The following ABHD13 variants were observed in gnomAD, a reference collection of about 807,000 sequenced individuals.
ABHD13 encodes the protein protein ABHD13.
Under a neutral mutation model 25.2 loss-of-function variants are expected in ABHD13, and 7 were observed. That is an observed-to-expected ratio of 0.28 (90% CI 0.16 to 0.52). The LOEUF (loss-of-function observed/expected upper bound fraction) is 0.52. ABHD13 is among the 20% of genes least tolerant of loss of function. The pLI, the probability that ABHD13 is intolerant of heterozygous loss-of-function variation, is 0.96. For synonymous variants in ABHD13, 133 were observed against 136.1 expected (o/e 0.98, Z 0.16); for missense variants, 302 against 402.7 (o/e 0.75, Z 2.14).
chr13:108,226,235 A>G (rs1879668654), intron 1 of ABHD13, among the ~76,000 whole-genome samples: 1 of 152,194 alleles, frequency 6.6e-6, no homozygotes, highest in African/African-American at 2.4e-5. Context: ...AAATGACACA[A>G]GGGTGGGAGT....
chr13:108,227,563 A>G (rs1879701781), intron 1 of ABHD13, among the ~76,000 whole-genome samples: 1 of 152,060 alleles, frequency 6.6e-6, no homozygotes, highest in Non-Finnish European at 1.5e-5. Flanking sequence ...GTGTATTTGG[A>G]GCTATTTTAT....
chr13:108,223,515 T>C (rs1264170225), intron 1 of ABHD13, among the ~76,000 whole-genome samples: 1 of 152,234 alleles, frequency 6.6e-6, no homozygotes, highest in African/African-American at 2.4e-5. Context: ...CTGCTTCTTC[T>C]TTGACATTCT....
Position 108,229,981 on chromosome 13 carries a change from C to T in ABHD13, c.763C>T (p.Gln255Ter), listed in dbSNP as rs1326042095. 6.2e-7 allele frequency: 1 copy of T among 1,613,082 alleles called. No individual in the cohort carries two copies. Among genetic ancestry groups the T allele is most frequent in the African/African-American group, 1.3e-5 (1 of 74,844 alleles). The change falls in exon 2 of 2, where the codon CAG becomes TAG. Residue 255 changes from glutamine (Q) to a stop codon, truncating the protein, a stop_gained. Coordinates refer to ENST00000375898, the MANE Select transcript of ABHD13 (RefSeq NM_032859.3). LOFTEE classifies it high-confidence loss of function. This position sits in a 1 kb window ranked among gnomAD's most constrained non-coding sequence, Gnocchi z 4.7. The part of the protein sequence containing the change: ...NKFLSYRKIS[Q>*]CRMPSLFISG... ...ATTTTTGTCCTACAGAAAAATCTCT[C>T]AGTGTAGAATGCCTTCACTTTTCAT... is the stretch of plus-strand genomic sequence containing the variant.
intron 1 of ABHD13, among the ~76,000 whole-genome samples, chr13:108,225,681 T>G (rs1594490007): frequency 6.6e-6 from 1 of 152,312 alleles, no homozygotes; most frequent in East Asian, 1.9e-4. Context: ...GTCTGACATG[T>G]AATACCAGAT....
intron 1 of ABHD13, among the ~76,000 whole-genome samples, chr13:108,228,036 G>C (rs1315860016): frequency 1.3e-5 from 2 of 151,924 alleles, no homozygotes; most frequent in East Asian, 3.9e-4. Context: ...ATAGCAGTTT[G>C]GTCAGTGGGA....
In ABHD13 at chr13:108,231,703, T is replaced by C. The variant is rs2139016292; in HGVS notation, c.*1471T>C. The C allele has an allele frequency of 1.2e-5, 2 of 166,856 alleles. No individual in the cohort carries two copies. Among genetic ancestry groups the C allele is most frequent in the South Asian group, 2.1e-4 (1 of 4,826 alleles). 10.3% of individuals were successfully genotyped at this position (166,856 alleles called of 1,614,324 possible). A position where few individuals can be genotyped will look rare whatever the true frequency, so the allele number is the denominator to read the frequency against. ...ATTTTAGCTATATTTAGTGGCTTTC[T>C]GCAAGCAACTAGAACAGAGAAGTAA... On this transcript the variant is annotated 3_prime_UTR_variant, in exon 2 of 2. Coordinates refer to ENST00000375898, the MANE Select transcript of ABHD13 (RefSeq NM_032859.3).
In ABHD13 at chr13:108,226,193, A is replaced by G. The variant is rs569060880; in HGVS notation, c.-20-3006A>G. ...AACCCAACATGTCAGTGTTAGGTAT[A>G]TTGTTCCAGATGATAGCTCAGGTCT... is the stretch of plus-strand genomic sequence containing the variant. On this transcript the variant is annotated intron_variant, in intron 1 of 1. Transcript: ENST00000375898. 4.6e-5 allele frequency among the ~76,000 whole-genome samples: 7 copies of G among 152,288 alleles called. No homozygotes were observed. The East Asian group carries it at 1.4e-3, about 29-fold the overall frequency.
chr13:108,229,491 C>G lies in ABHD13; in HGVS notation c.273C>G (p.Ile91Met). 6.2e-7 allele frequency: 1 copy of G among 1,613,524 alleles called. No homozygotes were observed. The highest frequency in any genetic ancestry group is 8.5e-7 in the Non-Finnish European group (1 of 1,179,614). Residue 91 changes from isoleucine (I) to methionine (M), a missense_variant, in exon 2 of 2, where the codon ATC becomes ATG. Physicochemically the swap from Ile to Met is conservative, Grantham distance 10. Coordinates refer to ENST00000375898, the MANE Select transcript of ABHD13 (RefSeq NM_032859.3). This position sits in a 1 kb window ranked among gnomAD's most constrained non-coding sequence, Gnocchi z 4.7. ...PTGIPHENIF[I>M]RTKDGIRLNL... is the part of the protein sequence containing the mutation. The stretch of plus-strand genomic sequence containing the variant: ...GCATTCCACATGAAAACATTTTCAT[C>G]AGAACCAAAGATGGAATACGTCTGA...
At chr13:108,227,550 T>C (rs1413736676) in intron 1 of ABHD13, among the ~76,000 whole-genome samples, 1 of 152,062 alleles carries the variant, frequency 6.6e-6, no homozygotes, top group East Asian at 1.9e-4. Context: ...ATATGCCTTA[T>C]TCGTGTATTT....
In ABHD13 at chr13:108,218,616, G is replaced by C. The variant is rs1158549771; in HGVS notation, c.-64G>C. The stretch of plus-strand genomic sequence containing the variant: ...GGGGTACGCTGCTGCGCGGCGCCCG[G>C]TTTCGTGCCCGCGGCCGACTGCGCA... On this transcript the variant is annotated 5_prime_UTR_variant, in exon 1 of 2. Transcript: ENST00000375898. 2 of 152,004 alleles carry C rather than the reference G, an allele frequency of 1.3e-5. No homozygotes were observed. Among genetic ancestry groups the C allele is most frequent in the Non-Finnish European group, 2.9e-5 (2 of 67,964 alleles). 9.4% of individuals were successfully genotyped at this position (152,004 alleles called of 1,614,324 possible). A position where few individuals can be genotyped will look rare whatever the true frequency, so the allele number is the denominator to read the frequency against.
chr13:108,226,000 C>T (rs1879664231), intron 1 of ABHD13, among the ~76,000 whole-genome samples: 1 of 152,150 alleles, frequency 6.6e-6, no homozygotes, highest in Non-Finnish European at 1.5e-5. Flanking sequence ...TACATCTCCT[C>T]TGAAGACACG....
In ABHD13 at chr13:108,229,855, A is replaced by G. The variant is rs1594492641; in HGVS notation, c.637A>G (p.Ile213Val). 1 of 1,613,462 alleles carries G rather than the reference A, an allele frequency of 6.2e-7. No homozygotes were observed. Among genetic ancestry groups the G allele is most frequent in the Non-Finnish European group, 8.5e-7 (1 of 1,179,494 alleles). ...TGAAAATTCACATAGGATTTCAGCC[A>G]TTATGGTGGAGAACACATTTTTAAG... is the stretch of plus-strand genomic sequence containing the variant. ...ASENSHRISA[I>V]MVENTFLSIP... Residue 213 changes from isoleucine to valine, a missense_variant, in exon 2 of 2, where the codon ATT (isoleucine) becomes GTT (valine). Coordinates refer to ENST00000375898, the MANE Select transcript of ABHD13 (RefSeq NM_032859.3). This position sits in a 1 kb window ranked among gnomAD's most constrained non-coding sequence, Gnocchi z 4.7.
intron 1 of ABHD13, among the ~76,000 whole-genome samples, chr13:108,221,596 A>G (rs1181495801): frequency 6.6e-6 from 1 of 152,070 alleles, no homozygotes; most frequent in African/African-American, 2.4e-5. Context: ...AACAGTTTTT[A>G]TTTTTAAACA....
At chr13:108,226,398 GC>G (rs1432799473) in intron 1 of ABHD13, among the ~76,000 whole-genome samples, 1 of 152,090 alleles carries the variant, frequency 6.6e-6, no homozygotes, top group Non-Finnish European at 1.5e-5. Flanking sequence ...TTCCCACTGG[GC>G]ATGTTTAGCC....
Position 108,229,484 on chromosome 13 carries a change from T to C in ABHD13, c.266T>C (p.Ile89Thr), listed in dbSNP as rs762353459. ...PMPTGIPHENIFIRTKDGIRL... is the reference protein window; with the variant it reads ...PMPTGIPHENTFIRTKDGIRL... ...CCCACTGGCATTCCACATGAAAACATTTTCATCAGAACCAAAGATGGAATA... is the reference window on the plus strand; with the variant it reads ...CCCACTGGCATTCCACATGAAAACACTTTCATCAGAACCAAAGATGGAATA... The change falls in exon 2 of 2, where the codon ATT (isoleucine) becomes ACT (threonine). Residue 89 changes from isoleucine to threonine, a missense_variant. Ile to Thr is a moderately conservative substitution (Grantham distance 89). Transcript: ENST00000375898. This position sits in a 1 kb window ranked among gnomAD's most constrained non-coding sequence, Gnocchi z 4.7. 2 of 1,613,560 alleles carry C rather than the reference T, an allele frequency of 1.2e-6. No individual in the cohort carries two copies. The highest frequency in any genetic ancestry group is 1.1e-5 in the South Asian group (1 of 91,062).
chr13:108,222,071 C>T (rs1217669456), intron 1 of ABHD13, among the ~76,000 whole-genome samples: 1 of 152,048 alleles, frequency 6.6e-6, no homozygotes, highest in Non-Finnish European at 1.5e-5. Flanking sequence ...AACTCCTGAG[C>T]TCAGGCAATC....
Position 108,233,455 on chromosome 13 carries a change from T to G in ABHD13, c.*3223T>G, listed in dbSNP as rs566394648. Reference sequence around the variant, plus strand: ...GATGTCACAGAAGTCACTTTTTAATTAAGTCATGATTGAGATACTGAACTC... The same window carrying G: ...GATGTCACAGAAGTCACTTTTTAATGAAGTCATGATTGAGATACTGAACTC... On this transcript the variant is annotated 3_prime_UTR_variant, in exon 2 of 2. Transcript: ENST00000375898. 8 of 166,952 alleles carry G rather than the reference T, an allele frequency of 4.8e-5. No homozygotes were observed. In the East Asian group the frequency reaches 1.5e-3, roughly 32 times the overall value. 10.3% of individuals were successfully genotyped at this position (166,952 alleles called of 1,614,324 possible). A position where few individuals can be genotyped will look rare whatever the true frequency, so the allele number is the denominator to read the frequency against.
chr13:108,229,424 A>G lies in ABHD13; in HGVS notation c.206A>G (p.Glu69Gly). The G allele has an allele frequency of 6.2e-7, 1 of 1,612,790 alleles. No homozygotes were observed. The highest frequency in any genetic ancestry group is 8.5e-7 in the Non-Finnish European group (1 of 1,179,330). ...KFQDVLLYFP[E>G]QPSSSRLYVP... The stretch of plus-strand genomic sequence containing the variant: ...CAGGATGTATTGCTTTATTTTCCAG[A>G]ACAGCCATCCTCTTCACGTCTTTAT... Residue 69 changes from glutamate to glycine, a missense_variant, in exon 2 of 2, where the codon GAA becomes GGA. Physicochemically the swap from Glu to Gly is moderately conservative, Grantham distance 98. Transcript: ENST00000375898. This position sits in a 1 kb window ranked among gnomAD's most constrained non-coding sequence, Gnocchi z 4.7.
chr13:108,221,531 C>T (rs1184648519), intron 1 of ABHD13, among the ~76,000 whole-genome samples: 3 of 152,114 alleles, frequency 2.0e-5, no homozygotes, highest in Non-Finnish European at 4.4e-5. Flanking sequence ...ACACGAACTC[C>T]CTTTCCACTT....
Sources: allele counts gnomAD v4.1 joint callset (sites outside exome capture counted in the v4.1 genomes callset), GRCh38; gene constraint gnomAD v4.1.1; non-coding constraint Gnocchi (gnomAD v3.1); transcripts MANE v1.5; gene names NCBI Gene and HGNC (gene_info 2026-07-23, HGNC 2026-07-21).